The following CIMAP3 variants were observed in gnomAD, a reference collection of about 807,000 sequenced individuals.
CIMAP3 encodes the protein ciliary microtubule associated protein 3, also known as ciliary microtubule-associated protein 3.
chr1:111,351,202 C>G, the CIMAP3 span: 7 of 857,380 alleles, frequency 8.2e-6, no homozygotes, highest in East Asian at 1.7e-4. Context: ...ACTGGGAAGA[C>G]CAGAGGCAGA....
chr1:111,330,625 GCT>G, the CIMAP3 span, among the ~76,000 whole-genome samples: 1 of 152,218 alleles, frequency 6.6e-6, no homozygotes, highest in Non-Finnish European at 1.5e-5. Context: ...CCACTTCAGT[GCT>G]GGCCATAGAT....
the CIMAP3 span, chr1:111,346,652 G>A: frequency 1.2e-6 from 2 of 1,614,184 alleles, no homozygotes; most frequent in Admixed American, 1.7e-5. Context: ...AGCAGCTCGC[G>A]ATGTGCTTCA....
At chr1:111,339,110 A>T in the CIMAP3 span, among the ~76,000 whole-genome samples, 9 of 151,962 alleles carry the variant, frequency 5.9e-5, no homozygotes, top group Non-Finnish European at 5.9e-5. Context: ...AAACCACATG[A>T]TTATCTCAAT....
At chr1:111,332,403 G>A in the CIMAP3 span, among the ~76,000 whole-genome samples, 1,204 of 152,292 alleles carry the variant, frequency 7.9e-3, 16 homozygotes, top group African/African-American at 0.027. Flanking sequence ...TTCTTGGCTG[G>A]TCTAGTTATG....
At chr1:111,350,101 T>C in the CIMAP3 span, 2 of 1,608,108 alleles carry the variant, frequency 1.2e-6, no homozygotes, top group South Asian at 2.2e-5. Flanking sequence ...TATTTTTATT[T>C]CTAGCCCTGG....
At chr1:111,338,670 T>C in the CIMAP3 span, among the ~76,000 whole-genome samples, 1 of 152,086 alleles carries the variant, frequency 6.6e-6, no homozygotes, top group Non-Finnish European at 1.5e-5. Context: ...GTTGAATCTC[T>C]AAATGGACCA....
At chr1:111,352,602 C>T in the CIMAP3 span, 1 of 152,438 alleles carries the variant, frequency 6.6e-6, no homozygotes, top group East Asian at 1.9e-4. Flanking sequence ...CTAATATATA[C>T]ACTTCTTTTA....
At chr1:111,347,196 C>T in the CIMAP3 span, 1 of 933,996 alleles carries the variant, frequency 1.1e-6, no homozygotes, top group African/African-American at 1.7e-5. Flanking sequence ...CTTCTGCAAG[C>T]AGCTGTTTCA....
chr1:111,340,326 C>G, the CIMAP3 span, among the ~76,000 whole-genome samples: 10 of 133,832 alleles, frequency 7.5e-5, no homozygotes, highest in African/African-American at 2.6e-4. Flanking sequence ...ACACCAAAAG[C>G]AATGGCAACA....
chr1:111,340,341 A>C, the CIMAP3 span, among the ~76,000 whole-genome samples: 2 of 151,766 alleles, frequency 1.3e-5, no homozygotes, highest in Non-Finnish European at 2.9e-5. Context: ...GCAACAAAAG[A>C]CAAAATTGAC....
the CIMAP3 span, chr1:111,348,504 TC>T: frequency 6.3e-7 from 1 of 1,590,098 alleles, no homozygotes; most frequent in African/African-American, 1.4e-5. Flanking sequence ...ATGATCTTTT[TC>T]TTGGAAACAG....
chr1:111,337,517 T>C, the CIMAP3 span, among the ~76,000 whole-genome samples: 1 of 151,480 alleles, frequency 6.6e-6, no homozygotes, highest in South Asian at 2.1e-4. Context: ...ACCAAGCCAA[T>C]GGAAAACAAA....
the CIMAP3 span, chr1:111,324,870 C>T: frequency 1.5e-5 from 15 of 985,034 alleles, no homozygotes; most frequent in South Asian, 4.7e-4. Context: ...GACAGCCATA[C>T]ATCTGGAACT....
the CIMAP3 span, among the ~76,000 whole-genome samples, chr1:111,326,616 A>T: frequency 6.6e-6 from 1 of 152,138 alleles, no homozygotes; most frequent in African/African-American, 2.4e-5. Flanking sequence ...TCCCTTTGAT[A>T]TACTGCTAGA....
the CIMAP3 span, among the ~76,000 whole-genome samples, chr1:111,344,168 T>A: frequency 6.6e-6 from 1 of 152,248 alleles, no homozygotes; most frequent in Non-Finnish European, 1.5e-5. Flanking sequence ...CAGAAAATAC[T>A]TACTTTTGTT....
At chr1:111,330,310 C>G in the CIMAP3 span, among the ~76,000 whole-genome samples, 2 of 152,182 alleles carry the variant, frequency 1.3e-5, no homozygotes, top group Non-Finnish European at 2.9e-5. Context: ...TCATCTCTGA[C>G]TGTGGGTGTG....
At chr1:111,350,792 A>T in the CIMAP3 span, among the ~76,000 whole-genome samples, 1 of 152,254 alleles carries the variant, frequency 6.6e-6, no homozygotes, top group Non-Finnish European at 1.5e-5. Context: ...CGATAAGGTT[A>T]TAAAGAAAAT....
the CIMAP3 span, among the ~76,000 whole-genome samples, chr1:111,331,395 T>G: frequency 6.6e-6 from 1 of 152,208 alleles, no homozygotes; most frequent in Admixed American, 6.5e-5. Flanking sequence ...AATTCTTTCT[T>G]CTTTTATTTT....
the CIMAP3 span, chr1:111,351,494 C>G: frequency 1.9e-6 from 1 of 533,116 alleles, no homozygotes; most frequent in Non-Finnish European, 3.3e-6. Context: ...AAGACTAGTG[C>G]ACAGTGCTAT....
Sources: allele counts gnomAD v4.1 joint callset (sites outside exome capture counted in the v4.1 genomes callset), GRCh38; gene constraint gnomAD v4.1.1; transcripts MANE v1.5; gene names NCBI Gene and HGNC (gene_info 2026-07-23, HGNC 2026-07-21).